The following GCC2 variants were observed in gnomAD, a reference collection of about 807,000 sequenced individuals.
GCC2 encodes GRIP and coiled-coil domain-containing protein 2.
A neutral mutation model predicts 210.6 loss-of-function variants in GCC2; 120 were observed. That is an observed-to-expected ratio of 0.57 (90% confidence interval 0.49 to 0.66). The LOEUF is 0.66. Among genes scored for constraint, GCC2 ranks in the 30% least tolerant of loss-of-function variants. GCC2 has a pLI of 0.00. For synonymous variants in GCC2, 703 were observed against 652.7 expected (o/e 1.08, Z -1.17); for missense variants, 1,868 against 1,871.9 (o/e 1.00, Z 0.04).
At chr2:108,466,674 A>G (rs980269160) in intron 4 of GCC2, among the ~76,000 whole-genome samples, 7 of 148,684 alleles carry the variant, frequency 4.7e-5, no homozygotes, top group South Asian at 2.1e-4. Context: ...GGGTTTCACT[A>G]TGTTAGCCAG....
chr2:108,481,856 G>T (rs1164199289), intron 10 of GCC2, 40 bp downstream of exon 10: 4 of 1,405,166 alleles, frequency 2.8e-6, no homozygotes, highest in East Asian at 2.3e-5. Context: ...ACTATAACAG[G>T]TATATTTTAA....
Position 108,470,550 on chromosome 2 carries a change from G to A in GCC2, c.1221G>A (p.Glu407=), listed in dbSNP as rs1448662773. 6.2e-7 allele frequency: 1 copy of A among 1,607,482 alleles called. No individual in the cohort carries two copies. The highest frequency in any genetic ancestry group is 1.3e-5 in the African/African-American group (1 of 74,374). Residue 407 remains glutamate, a synonymous_variant, in exon 6 of 23, where the codon GAG becomes GAA. Transcript: ENST00000309863. ...GTGTAATTGAAAAATTAAAATCTGA[G>A]CTAGCAGGTTTAAATAAACAGTTTT... ...QGCVIEKLKS[E]LAGLNKQFCY...
chr2:108,450,738 C>T (rs568939104), intron 2 of GCC2, among the ~76,000 whole-genome samples: 3 of 152,170 alleles, frequency 2.0e-5, no homozygotes, highest in Admixed American at 1.3e-4. Flanking sequence ...AAAAATTAGC[C>T]GGACGTGGTA....
chr2:108,466,949 C>T (rs1304363263), intron 4 of GCC2, among the ~76,000 whole-genome samples: 4 of 152,068 alleles, frequency 2.6e-5, no homozygotes, highest in African/African-American at 4.8e-5. Context: ...AATATGTTTG[C>T]GTTTGTCTGA....
In GCC2 at chr2:108,507,737, T is replaced by C. The variant is rs955617899; in HGVS notation, c.*107T>C. 3.8e-5 allele frequency: 30 copies of C among 786,720 alleles called. No homozygotes were observed. The highest frequency in any genetic ancestry group is 5.3e-5 in the African/African-American group (3 of 56,956). 48.7% of individuals were successfully genotyped at this position (786,720 alleles called of 1,614,324 possible). On this transcript the variant is annotated 3_prime_UTR_variant, in exon 23 of 23. Coordinates refer to ENST00000309863, the MANE Select transcript of GCC2 (RefSeq NM_181453.4). ...CAAAAAGTGTGTATATATGTTTGCA[T>C]CTACATATATTTGTACATCTATATG...
chr2:108,458,182 G>C (rs78642214), intron 4 of GCC2, among the ~76,000 whole-genome samples: 1 of 151,948 alleles, frequency 6.6e-6, no homozygotes, highest in African/African-American at 2.4e-5. Context: ...GATGACATAC[G>C]ACTTTTGCCC....
chr2:108,487,617 T>TA, intron 16 of GCC2, 82 bp from the exon 17 acceptor site: 3 of 1,317,644 alleles, frequency 2.3e-6, no homozygotes, highest in South Asian at 2.9e-5. Context: ...AACAGGTTTT[T>TA]ATCTCAATTT....
In GCC2 at chr2:108,471,234, C is replaced by G; in HGVS notation, c.1905C>G (p.Ile635Met). The G allele has an allele frequency of 6.2e-7, 1 of 1,607,300 alleles. No homozygotes were observed. The highest frequency in any genetic ancestry group is 8.5e-7 in the Non-Finnish European group (1 of 1,178,092). ...TTGGGAAGAAAGTAGAGCAAACAAT[C>G]CAGTACAACAGTGAACTAGAACAAA... ...LELGKKVEQT[I>M]QYNSELEQKV... Residue 635 changes from isoleucine (I) to methionine (M), a missense_variant, in exon 6 of 23, where the codon ATC (isoleucine) becomes ATG (methionine). Ile to Met is a conservative substitution (Grantham distance 10). This residue lies in a region of GCC2 where 1,847 missense variants were observed against 1,765.2 expected (regional missense o/e 1.05). Coordinates refer to ENST00000309863, the MANE Select transcript of GCC2 (RefSeq NM_181453.4).
intron 9 of GCC2, among the ~76,000 whole-genome samples, chr2:108,478,170 C>A (rs1681642141): frequency 6.6e-6 from 1 of 151,826 alleles, no homozygotes; most frequent in South Asian, 2.1e-4. Context: ...TGAAGAAGCC[C>A]ATATATAAAT....
At position 108,487,775 on chromosome 2, in the gene GCC2, A is replaced by G. The variant is rs144995786; in HGVS notation, c.4007A>G (p.Asn1336Ser). ...CATAATGTTCTAAAACAACAGAAAA[A>G]TAAATCTATGTCTCAGGCTGAAACT... ...RVHNVLKQQK[N>S]KSMSQAETEG... Residue 1336 changes from asparagine to serine, a missense_variant, in exon 17 of 23, where the codon AAT (asparagine) becomes AGT (serine). Physicochemically the swap from Asn to Ser is conservative, Grantham distance 46. Around this residue, in one of 3 missense-constraint regions of GCC2, gnomAD observed 1,847 missense variants for 1,765.2 expected, o/e 1.05. Transcript: ENST00000309863. The G allele has an allele frequency of 7.4e-6, 12 of 1,613,786 alleles. 1 individual carries two copies. The highest frequency in any genetic ancestry group is 4.5e-5 in the East Asian group (2 of 44,834).
At chr2:108,476,088 T>C (rs1239416285) in intron 9 of GCC2, among the ~76,000 whole-genome samples, 1 of 137,572 alleles carries the variant, frequency 7.3e-6, no homozygotes, top group African/African-American at 2.7e-5. Flanking sequence ...TTTGATGAAG[T>C]CTCTCTCTCT....
intron 7 of GCC2, 158 bp from the exon 8 acceptor site, chr2:108,475,377 A>C (rs17036402): frequency 0.014 from 6,504 of 465,750 alleles, 385 homozygotes; most frequent in African/African-American, 0.12. Context: ...ATAATGAATA[A>C]AATTCCACTT....
At chr2:108,498,163 TTA>T (rs1207638522) in intron 21 of GCC2, among the ~76,000 whole-genome samples, 1 of 150,500 alleles carries the variant, frequency 6.6e-6, no homozygotes. Context: ...CCTAAATGAC[TTA>T]TTTAAATGTT....
chr2:108,481,565 T>A, intron 9 of GCC2, 132 bp from the exon 10 acceptor site: 1 of 577,390 alleles, frequency 1.7e-6, no homozygotes, highest in South Asian at 3.1e-5. Flanking sequence ...GCCAGTTAGG[T>A]ATTCTGTTCA....
chr2:108,493,985 C>T (rs1314817582), intron 19 of GCC2: 1 of 913,290 alleles, frequency 1.1e-6, no homozygotes, highest in African/African-American at 1.8e-5. Flanking sequence ...TGGTTTCTAA[C>T]TCAGTTATGA....
At chr2:108,477,346 G>A (rs1373108632) in intron 9 of GCC2, among the ~76,000 whole-genome samples, 1 of 152,102 alleles carries the variant, frequency 6.6e-6, no homozygotes, top group Non-Finnish European at 1.5e-5. Flanking sequence ...ATCTCAATAT[G>A]TTAATTCTCA....
intron 4 of GCC2, chr2:108,462,736 T>A (rs1209703622): frequency 6.6e-6 from 1 of 151,606 alleles, no homozygotes; most frequent in Non-Finnish European, 1.5e-5. Flanking sequence ...CTAATTTCTG[T>A]AATTTTAGTA....
intron 19 of GCC2, chr2:108,493,988 A>T (rs1682525268): frequency 7.9e-6 from 7 of 883,398 alleles, no homozygotes; most frequent in Non-Finnish European, 9.5e-6. Context: ...TTTCTAACTC[A>T]GTTATGAGAC....
rs1680308783 is a variant in GCC2 at position 108,456,948 on chromosome 2, T to TTA, written c.216+4482_216+4483insTA. Among the ~76,000 whole-genome samples, 6 of 133,690 alleles carry TTA rather than the reference T, an allele frequency of 4.5e-5. No homozygotes were observed. The South Asian group carries it at 7.3e-4, about 16-fold the overall frequency. 87.7% of individuals were successfully genotyped at this position (133,690 alleles called of 152,430 possible). On this transcript the variant is annotated intron_variant, in intron 4 of 22. Transcript: ENST00000309863. Reference sequence around the variant, plus strand: ...CTGGGTGACAGAGGGAGCCCTTACATAAAAAAAAAAAAAAAAAAATTTAAG... The same window carrying TTA: ...CTGGGTGACAGAGGGAGCCCTTACATTAAAAAAAAAAAAAAAAAAAATTTAAG...
Sources: allele counts gnomAD v4.1 joint callset (sites outside exome capture counted in the v4.1 genomes callset), GRCh38; gene constraint gnomAD v4.1.1; regional missense constraint gnomAD v4.1.1; transcripts MANE v1.5; gene names NCBI Gene and HGNC (gene_info 2026-07-23, HGNC 2026-07-21).